The following SLC45A4 variants were observed in gnomAD, a reference collection of about 807,000 sequenced individuals.
The protein encoded by SLC45A4 is polyamine-transporter SLC45A4.
Under a neutral mutation model 63.7 loss-of-function variants are expected in SLC45A4, and 32 were observed. The observed-to-expected ratio is 0.50, with a 90% CI of 0.38 to 0.67. SLC45A4 has a LOEUF of 0.67. Among genes scored for constraint, SLC45A4 ranks in the 30% least tolerant of loss-of-function variants. The pLI is 0.00. For synonymous variants in SLC45A4, 535 were observed against 510.0 expected (o/e 1.05, Z -0.66); for missense variants, 1,027 against 1,157.7 (o/e 0.89, Z 1.64).
At chr8:141,252,811 G>T (rs1395232526) in intron 2 of SLC45A4, among the ~76,000 whole-genome samples, 1 of 145,194 alleles carries the variant, frequency 6.9e-6, no homozygotes, top group Non-Finnish European at 1.5e-5. Context: ...GTGTTTTCAC[G>T]CCCACCTGCG....
At position 141,211,271 on chromosome 8, in the gene SLC45A4, G is replaced by A. The variant is rs1825788458; in HGVS notation, c.*301C>T. 3.3e-6 allele frequency: 2 copies of A among 611,650 alleles called. No homozygotes were observed. Among genetic ancestry groups the A allele is most frequent in the African/African-American group, 3.8e-5 (2 of 52,110 alleles). 37.9% of individuals were successfully genotyped at this position (611,650 alleles called of 1,614,324 possible). A position where few individuals can be genotyped will look rare whatever the true frequency, so the allele number is the denominator to read the frequency against. On this transcript the variant is annotated 3_prime_UTR_variant, in exon 9 of 9. Coordinates refer to ENST00000517878, the MANE Select transcript of SLC45A4 (RefSeq NM_001286646.2). ...CCCCTGACGTTGGGAGCGGTCTGGA[G>A]GGGCAACCTGGCCTCCTAGGAGAGT...
At chr8:141,302,799 G>T (rs769219008) in intron 1 of SLC45A4, among the ~76,000 whole-genome samples, 1 of 151,996 alleles carries the variant, frequency 6.6e-6, no homozygotes, top group Non-Finnish European at 1.5e-5. Context: ...CTTAATATGC[G>T]ATTTCATCTC....
At position 141,211,128 on chromosome 8, in the gene SLC45A4, C is replaced by T. The variant is rs78127467; in HGVS notation, c.*444G>A. On this transcript the variant is annotated 3_prime_UTR_variant, in exon 9 of 9. Coordinates refer to ENST00000517878, the MANE Select transcript of SLC45A4 (RefSeq NM_001286646.2). ...GGAGGCCCTCGCACATCCACACACC[C>T]GAGGTAGCCTTGCGGCGGGACTTGG... 36 of 278,090 alleles carry T rather than the reference C, an allele frequency of 1.3e-4. No individual in the cohort carries two copies. Among genetic ancestry groups the T allele is most frequent in the African/African-American group, 7.4e-4 (34 of 45,934 alleles). 17.2% of individuals were successfully genotyped at this position (278,090 alleles called of 1,614,324 possible).
rs1830731730 is a variant in SLC45A4 at position 141,301,153 on chromosome 8, C to T, written c.-401+6943G>A. Among the ~76,000 whole-genome samples, 5 of 152,210 alleles carry T rather than the reference C, an allele frequency of 3.3e-5. No homozygotes were observed. The South Asian group carries it at 1.0e-3, about 31-fold the overall frequency. ...CCCGCCTAGACAAGAGGAAGGCACT[C>T]TTCCCAGGGAACGTTCCAGCAACAG... On this transcript the variant is annotated intron_variant, in intron 1 of 8. Coordinates refer to ENST00000517878, the MANE Select transcript of SLC45A4 (RefSeq NM_001286646.2).
Position 141,215,172 on chromosome 8 carries a change from G to A in SLC45A4, c.1941+587C>T, listed in dbSNP as rs1421706924. ...AGAGGCAAGAGTCTGCCTGTGCTGC[G>A]GCTACTGAGCATTTGAGATAAAGCT... On this transcript the variant is annotated intron_variant, in intron 7 of 8. Coordinates refer to ENST00000517878, the MANE Select transcript of SLC45A4 (RefSeq NM_001286646.2). The surrounding 1 kb of genome is among the most constrained non-coding windows in gnomAD (Gnocchi z 4.3). Among the ~76,000 whole-genome samples the A allele has an allele frequency of 6.6e-6, 1 of 152,186 alleles. No homozygotes were observed. The highest frequency in any genetic ancestry group is 1.9e-4 in the East Asian group (1 of 5,204).
At position 141,254,583 on chromosome 8, in the gene SLC45A4, T is replaced by A. The variant is rs2154614695; in HGVS notation, c.-354A>T. On this transcript the variant is annotated 5_prime_UTR_variant, in exon 2 of 9. Transcript: ENST00000517878. The surrounding 1 kb of genome is among the most constrained non-coding windows in gnomAD (Gnocchi z 4.5). ...TTGCTACAGAGAGGTGGGAAGGTGA[T>A]ACAAACAGGTGGTCCGCTGGTAATC... The A allele has an allele frequency of 1.4e-6, 1 of 702,448 alleles. No individual in the cohort carries two copies. Among genetic ancestry groups the A allele is most frequent in the South Asian group, 1.5e-5 (1 of 67,596 alleles). The allele number at this position is 702,448 out of a possible 1,614,324, so 43.5% of individuals were successfully genotyped here. A position where few individuals can be genotyped will look rare whatever the true frequency, so the allele number is the denominator to read the frequency against.
chr8:141,213,368 C>A (rs535811697), intron 7 of SLC45A4, among the ~76,000 whole-genome samples: 7 of 152,208 alleles, frequency 4.6e-5, no homozygotes, highest in Non-Finnish European at 1.0e-4. Flanking sequence ...TGTAAGGCTG[C>A]AACCACATGG....
Position 141,212,528 on chromosome 8 carries a change from T to C in SLC45A4, c.1970A>G (p.Lys657Arg), listed in dbSNP as rs1238131081. 16 of 1,609,402 alleles carry C rather than the reference T, an allele frequency of 9.9e-6. No individual in the cohort carries two copies. The highest frequency in any genetic ancestry group is 1.3e-5 in the Non-Finnish European group (15 of 1,177,124). Residue 657 changes from lysine (K) to arginine (R), a missense_variant, in exon 8 of 9, where the codon AAG becomes AGG. Physicochemically the swap from Lys to Arg is conservative, Grantham distance 26. Coordinates refer to ENST00000517878, the MANE Select transcript of SLC45A4 (RefSeq NM_001286646.2). ...QYIHHSPGNS[K>R]RGFGIDCAIL... ...GGCACAATCTATGCCAAACCCTCGC[T>C]TGGAGTTCCCGGGGCTGTGGTGGAT...
At chr8:141,293,495 T>C (rs1830431719) in intron 1 of SLC45A4, among the ~76,000 whole-genome samples, 2 of 152,034 alleles carry the variant, frequency 1.3e-5, no homozygotes, top group Admixed American at 1.3e-4. Context: ...AATGGCACTG[T>C]ACAAAGTGCA....
chr8:141,306,868 TTCAA>T (rs1830911827), intron 1 of SLC45A4, among the ~76,000 whole-genome samples: 1 of 152,188 alleles, frequency 6.6e-6, no homozygotes. Flanking sequence ...CAACAATTAG[TTCAA>T]TCACTCATCT....
chr8:141,249,635 C>T (rs557299875), intron 2 of SLC45A4, among the ~76,000 whole-genome samples: 1 of 152,302 alleles, frequency 6.6e-6, no homozygotes, highest in South Asian at 2.1e-4. Context: ...AGCCACACCA[C>T]TGTGGACATC....
At chr8:141,307,119 G>A (rs1830920214) in intron 1 of SLC45A4, among the ~76,000 whole-genome samples, 1 of 152,164 alleles carries the variant, frequency 6.6e-6, no homozygotes, top group South Asian at 2.1e-4. Flanking sequence ...CCGCCTTCTA[G>A]AATCATTCTG....
At chr8:141,237,819 T>C (rs1361342694) in intron 2 of SLC45A4, among the ~76,000 whole-genome samples, 1 of 152,144 alleles carries the variant, frequency 6.6e-6, no homozygotes, top group East Asian at 1.9e-4. Context: ...GGCTGCCCGT[T>C]TCACCTCCAG....
intron 1 of SLC45A4, among the ~76,000 whole-genome samples, chr8:141,306,451 T>C (rs577481071): frequency 8.2e-5 from 1 of 12,216 alleles, no homozygotes; most frequent in South Asian, 0.17. Context: ...GGGCTGCCTC[T>C]TCTCATCAAG....
Position 141,210,437 on chromosome 8 carries a change from G to A in SLC45A4, c.*1135C>T, listed in dbSNP as rs1456030935. ...AGAAAATGTTCTTGAAGTCTTGAAA[G>A]TCAGCCCTCTGCGATCCTGGGACAC... On this transcript the variant is annotated 3_prime_UTR_variant, in exon 9 of 9. Transcript: ENST00000517878. 6.6e-6 allele frequency: 1 copy of A among 151,346 alleles called. No homozygotes were observed. Among genetic ancestry groups the A allele is most frequent in the Non-Finnish European group, 1.5e-5 (1 of 67,882 alleles). The allele number at this position is 151,346 out of a possible 1,614,324, so 9.4% of individuals were successfully genotyped here.
At chr8:141,270,940 G>A (rs1000801279) in intron 1 of SLC45A4, among the ~76,000 whole-genome samples, 5 of 152,114 alleles carry the variant, frequency 3.3e-5, no homozygotes, top group African/African-American at 1.2e-4. Flanking sequence ...GGCAGGCAGA[G>A]GGCATGGCCT....
rs753748604 is a variant in SLC45A4 at position 141,218,452 on chromosome 8, G to A, written c.1188C>T (p.Gly396=). The change falls in exon 5 of 9, where the codon GGC becomes GGT. Residue 396 remains glycine (G), a synonymous_variant. Coordinates refer to ENST00000517878, the MANE Select transcript of SLC45A4 (RefSeq NM_001286646.2). ...GCTTCGTGTCCACCCTGGTGTAGCC[G>A]CCGAGGGCGTCTTTTGTGGGGGAGC... ...GSGSPTKDAL[G]GYTRVDTKPS... is the part of the protein sequence containing the mutation. The A allele has an allele frequency of 7.4e-6, 12 of 1,612,718 alleles. No homozygotes were observed. The highest frequency in any genetic ancestry group is 1.7e-5 in the Admixed American group (1 of 60,022).
rs540244454 is a variant in SLC45A4, at chr8:141,215,668, G to A, written c.1941+91C>T. On this transcript the variant is annotated intron_variant, in intron 7 of 8. Transcript: ENST00000517878. This position sits in a 1 kb window ranked among gnomAD's most constrained non-coding sequence, Gnocchi z 4.3. ...AAGGAGGGCCATCTGTGTCGTGAAC[G>A]TCCCCCCGGGGAAGCACAGGGCTCT... 175 of 1,344,238 alleles carry A rather than the reference G, an allele frequency of 1.3e-4. No individual in the cohort carries two copies. In the East Asian group the frequency reaches 3.2e-3, roughly 25 times the overall value. The allele number at this position is 1,344,238 out of a possible 1,614,324, so 83.3% of individuals were successfully genotyped here.
rs529345549 is a variant in SLC45A4 at position 141,301,645 on chromosome 8, G to C, written c.-401+6451C>G. Among the ~76,000 whole-genome samples, 3 of 150,256 alleles carry C rather than the reference G, an allele frequency of 2.0e-5. No homozygotes were observed. In the Admixed American group the frequency reaches 2.0e-4, roughly 10 times the overall value. On this transcript the variant is annotated intron_variant, in intron 1 of 8. Transcript: ENST00000517878. ...AGCTACCTGGAGGGTGGAGGTGGGA[G>C]GATCACTTGAGCCGGGGAGGTCGAG...
Sources: allele counts gnomAD v4.1 joint callset (sites outside exome capture counted in the v4.1 genomes callset), GRCh38; gene constraint gnomAD v4.1.1; non-coding constraint Gnocchi (gnomAD v3.1); transcripts MANE v1.5; gene names NCBI Gene and HGNC (gene_info 2026-07-23, HGNC 2026-07-21).